The following GFOD1 variants were observed in gnomAD, a reference collection of about 807,000 sequenced individuals.
GFOD1 encodes the protein glucose-fructose oxidoreductase domain-containing protein 1.
Under a neutral mutation model 25.4 loss-of-function variants are expected in GFOD1, and 9 were observed. That is an observed-to-expected ratio of 0.35 (90% CI 0.21 to 0.62). The LOEUF is 0.62. GFOD1 is among the 20% of genes least tolerant of loss of function. The probability of loss-of-function intolerance (pLI) is 0.72; values close to 1 mark genes in which losing one functional copy is unlikely to be tolerated. For synonymous variants in GFOD1, 253 were observed against 245.6 expected, an observed-to-expected ratio of 1.03 and a Z score of -0.28; for missense variants, 403 against 556.9, an observed-to-expected ratio of 0.72 and a Z score of 2.78.
At chr6:13,406,932 G>C (rs1381587086) in intron 1 of GFOD1, among the ~76,000 whole-genome samples, 2 of 152,188 alleles carry the variant, frequency 1.3e-5, no homozygotes, top group Admixed American at 1.3e-4. Flanking sequence ...ACTCATTTCA[G>C]CTGGACCCAT....
Position 13,362,027 on chromosome 6 carries a change from A to C in GFOD1, c.*2716T>G, listed in dbSNP as rs1356667890. The stretch of plus-strand genomic sequence containing the variant: ...AATATCCCTATTTAGGTTATGAATG[A>C]CTTAGAAAAATGAAACCCATTGAAT... On this transcript the variant is annotated 3_prime_UTR_variant, in exon 2 of 2. Transcript: ENST00000379287. 4 of 152,230 alleles carry C rather than the reference A, an allele frequency of 2.6e-5. No homozygotes were observed. The East Asian group carries it at 7.7e-4, about 29-fold the overall frequency. The allele number at this position is 152,230 out of a possible 1,614,324, so 9.4% of individuals were successfully genotyped here.
At chr6:13,415,915 G>A (rs1445162449) in intron 1 of GFOD1, among the ~76,000 whole-genome samples, 1 of 152,158 alleles carries the variant, frequency 6.6e-6, no homozygotes, top group Non-Finnish European at 1.5e-5. Flanking sequence ...AGACAAACGT[G>A]GTCCCATCCC....
chr6:13,446,598 C>T (rs574393166), intron 1 of GFOD1, among the ~76,000 whole-genome samples: 26 of 152,322 alleles, frequency 1.7e-4, no homozygotes, highest in Admixed American at 1.4e-3. Flanking sequence ...AGTGGCTTAT[C>T]AAGCAGCGTC....
intron 1 of GFOD1, among the ~76,000 whole-genome samples, chr6:13,381,925 A>G (rs1323329649): frequency 4.3e-5 from 6 of 139,086 alleles, no homozygotes; most frequent in African/African-American, 9.9e-5. Flanking sequence ...GCACACACAC[A>G]CACACACACA....
chr6:13,370,420 A>C (rs536530102), intron 1 of GFOD1, among the ~76,000 whole-genome samples: 39 of 152,214 alleles, frequency 2.6e-4, no homozygotes, highest in Non-Finnish European at 5.4e-4. Flanking sequence ...TATTGTTAAA[A>C]ATAAGATAAT....
At chr6:13,420,889 T>C (rs189537365) in intron 1 of GFOD1, among the ~76,000 whole-genome samples, 9 of 152,164 alleles carry the variant, frequency 5.9e-5, no homozygotes, top group Non-Finnish European at 1.3e-4. Context: ...TAATTGTACA[T>C]AGAAGAATTC....
At chr6:13,437,738 C>T (rs1260535925) in intron 1 of GFOD1, among the ~76,000 whole-genome samples, 1 of 152,178 alleles carries the variant, frequency 6.6e-6, no homozygotes, top group East Asian at 1.9e-4. Flanking sequence ...GGCCAAAATA[C>T]TGATCATGAC....
intron 1 of GFOD1, among the ~76,000 whole-genome samples, chr6:13,449,408 A>C (rs1288001247): frequency 6.6e-6 from 1 of 152,218 alleles, no homozygotes; most frequent in African/African-American, 2.4e-5. Context: ...TCTTGCCATG[A>C]AGGGTGCGAA....
chr6:13,381,121 T>TA (rs1785354860), intron 1 of GFOD1, among the ~76,000 whole-genome samples: 2 of 152,332 alleles, frequency 1.3e-5, no homozygotes, highest in South Asian at 4.1e-4. Context: ...TGGAGAGCAG[T>TA]CATGCTGCCC....
chr6:13,434,379 T>C (rs992403636), intron 1 of GFOD1, among the ~76,000 whole-genome samples: 1 of 144,696 alleles, frequency 6.9e-6, no homozygotes, highest in Non-Finnish European at 1.5e-5. Context: ...AGGAATCAAG[T>C]GCATGGCATT....
At chr6:13,479,481 T>C (rs1345679164) in intron 1 of GFOD1, among the ~76,000 whole-genome samples, 1 of 152,240 alleles carries the variant, frequency 6.6e-6, no homozygotes, top group African/African-American at 2.4e-5. Flanking sequence ...TATATAATGA[T>C]GCTCTTTCCT....
intron 1 of GFOD1, among the ~76,000 whole-genome samples, chr6:13,445,123 G>A (rs1757982483): frequency 6.6e-6 from 1 of 152,152 alleles, no homozygotes; most frequent in Admixed American, 6.5e-5. Flanking sequence ...GGCAAAGGAA[G>A]AGGGCTCAGC....
At chr6:13,378,192 T>G (rs771811753) in intron 1 of GFOD1, among the ~76,000 whole-genome samples, 3 of 152,134 alleles carry the variant, frequency 2.0e-5, no homozygotes, top group African/African-American at 7.2e-5. Flanking sequence ...AGGTCAGAGA[T>G]ATGTGCAGAT....
At chr6:13,485,778 T>G (rs1488465733) in intron 1 of GFOD1, among the ~76,000 whole-genome samples, 1 of 152,140 alleles carries the variant, frequency 6.6e-6, no homozygotes, top group African/African-American at 2.4e-5. Context: ...TGAAGGCGAT[T>G]AGGGAGGGCC....
intron 1 of GFOD1, among the ~76,000 whole-genome samples, chr6:13,483,515 C>T (rs1758800046): frequency 6.6e-6 from 1 of 152,178 alleles, no homozygotes; most frequent in South Asian, 2.1e-4. Flanking sequence ...TCTAGCACTG[C>T]CAGATACTCC....
intron 1 of GFOD1, among the ~76,000 whole-genome samples, chr6:13,366,042 G>A (rs821276): frequency 0.42 from 63,737 of 150,966 alleles, 16,490 homozygotes; most frequent in East Asian, 0.67. Context: ...GCTGCAGTGA[G>A]CTATGTTCTG....
chr6:13,413,760 C>T (rs1428090735), intron 1 of GFOD1, among the ~76,000 whole-genome samples: 1 of 152,220 alleles, frequency 6.6e-6, no homozygotes, highest in Non-Finnish European at 1.5e-5. Context: ...AAGCAGCCCA[C>T]AGCAAAGCCA....
intron 1 of GFOD1, among the ~76,000 whole-genome samples, chr6:13,468,380 TCTC>T (rs1758414685): frequency 6.6e-6 from 1 of 152,206 alleles, no homozygotes. Context: ...ACCTAACTGT[TCTC>T]CTACTGTGGA....
intron 1 of GFOD1, among the ~76,000 whole-genome samples, chr6:13,434,097 T>A (rs1757793373): frequency 6.6e-6 from 1 of 152,120 alleles, no homozygotes; most frequent in Admixed American, 6.5e-5. Flanking sequence ...AACGGGGAAG[T>A]CAAGGACAGG....
Sources: gnomAD v4.1 joint callset for allele counts (sites outside exome capture counted in the v4.1 genomes callset) on GRCh38, gnomAD v4.1.1 for gene constraint, MANE v1.5 for transcripts, NCBI Gene and HGNC (gene_info 2026-07-23, HGNC 2026-07-21) for gene names.